ABCC3: variants seen among roughly 807,000 people sequenced by gnomAD.
The protein encoded by ABCC3 is ATP-binding cassette sub-family C member 3.
Under a neutral mutation model 165.3 loss-of-function variants are expected in ABCC3, and 121 were observed. The observed-to-expected ratio is 0.73, with a 90% CI of 0.63 to 0.85. The LOEUF (loss-of-function observed/expected upper bound fraction) is 0.85. Ranked by LOEUF, ABCC3 falls within the 40% of genes least tolerant of loss-of-function variation. The pLI is 0.00. For synonymous variants in ABCC3, 733 were observed against 810.1 expected (o/e 0.90, Z 1.62); for missense variants, 1,869 against 1,964.1 (o/e 0.95, Z 0.92).
rs1384035702 is a variant in ABCC3, at chr17:50,653,334, G to A, written c.46-2498G>A. Among the ~76,000 whole-genome samples the A allele has an allele frequency of 1.1e-4, 14 of 128,384 alleles. No individual in the cohort carries two copies. The South Asian group carries it at 1.9e-3, about 18-fold the overall frequency. 84.2% of individuals were successfully genotyped at this position (128,384 alleles called of 152,430 possible). ...ACACTCCAGCGTGGGGGCCAAGAGC[G>A]AGACTGTCTCAAAAAAAAAAAAAAA... On this transcript the variant is annotated intron_variant, in intron 1 of 30. Coordinates refer to ENST00000285238, the MANE Select transcript of ABCC3 (RefSeq NM_003786.4).
chr17:50,682,437 A>AG (rs1463645070), intron 26 of ABCC3, among the ~76,000 whole-genome samples: 4 of 151,802 alleles, frequency 2.6e-5, no homozygotes, highest in Non-Finnish European at 5.9e-5. Flanking sequence ...AAAAAAAAAA[A>AG]AGTCCTTAAA....
intron 1 of ABCC3, among the ~76,000 whole-genome samples, chr17:50,650,782 C>A (rs969269948): frequency 2.0e-5 from 3 of 151,868 alleles, no homozygotes; most frequent in Non-Finnish European, 2.9e-5. Flanking sequence ...ATTCTTAACC[C>A]CGGCCAGGTA....
intron 10 of ABCC3, chr17:50,664,781 C>T (rs915968665): frequency 1.5e-4 from 30 of 197,506 alleles, no homozygotes; most frequent in Non-Finnish European, 2.2e-4. Context: ...GATAGGACTT[C>T]GAGGATGCTG....
At chr17:50,691,064 C>T (rs773769949) in intron 30 of ABCC3, 28 bp from the exon 31 acceptor site, 3 of 1,580,792 alleles carry the variant, frequency 1.9e-6, no homozygotes, top group Non-Finnish European at 2.6e-6. Flanking sequence ...CTGATGGAAA[C>T]CTGACCACTT....
In ABCC3 at chr17:50,668,497, A is replaced by G; in HGVS notation, c.1850A>G (p.Glu617Gly). ...GAGGAACTTGACCCCCAGAGTGTGG[A>G]AAGAAAGACCATCTCCCCAGGTCTA... ...SQEELDPQSVERKTISPGYAI... is the reference protein window; with the variant it reads ...SQEELDPQSVGRKTISPGYAI... Residue 617 changes from glutamate (E) to glycine (G), a missense_variant, in exon 14 of 31, where the codon GAA (glutamate) becomes GGA (glycine). Glu to Gly is a moderately conservative substitution (Grantham distance 98). Coordinates refer to ENST00000285238, the MANE Select transcript of ABCC3 (RefSeq NM_003786.4). 1.2e-6 allele frequency: 2 copies of G among 1,613,912 alleles called. No homozygotes were observed. Among genetic ancestry groups the G allele is most frequent in the African/African-American group, 2.7e-5 (2 of 74,978 alleles).
Position 50,656,777 on chromosome 17 carries a change from G to T in ABCC3, c.298G>T (p.Ala100Ser), listed in dbSNP as rs762984202. 4.3e-6 allele frequency: 7 copies of T among 1,613,768 alleles called. No homozygotes were observed. Among genetic ancestry groups the T allele is most frequent in the Non-Finnish European group, 5.9e-6 (7 of 1,179,932 alleles). Residue 100 changes from alanine to serine, a missense_variant, in exon 3 of 31, where the codon GCC becomes TCC. Physicochemically the swap from Ala to Ser is moderately conservative, Grantham distance 99. Transcript: ENST00000285238. ...YSFHGLVHGR[A>S]PAPVFFVTPL... ...CTTCCATGGCCTGGTCCATGGCCGGGCCCCTGCCCCTGTTTTCTTTGTCAC... is the reference window on the plus strand; with the variant it reads ...CTTCCATGGCCTGGTCCATGGCCGGTCCCCTGCCCCTGTTTTCTTTGTCAC...
At chr17:50,681,704 G>A (rs1375170964) in intron 26 of ABCC3, among the ~76,000 whole-genome samples, 2 of 152,134 alleles carry the variant, frequency 1.3e-5, no homozygotes, top group Admixed American at 1.3e-4. Flanking sequence ...TCGCTCCACG[G>A]AGACAGCTCA....
rs888701313 is a variant in ABCC3, at chr17:50,681,493, G to A, written c.3807+1594G>A. Among the ~76,000 whole-genome samples the A allele has an allele frequency of 5.3e-5, 8 of 151,926 alleles. No homozygotes were observed. The East Asian group carries it at 5.8e-4, about 11-fold the overall frequency. ...GTCATTCTTGCTCCCTCTGTTGGACGCTTCCCATCCACATGCAAAAATATT... is the reference window on the plus strand; with the variant it reads ...GTCATTCTTGCTCCCTCTGTTGGACACTTCCCATCCACATGCAAAAATATT... On this transcript the variant is annotated intron_variant, in intron 26 of 30. Coordinates refer to ENST00000285238, the MANE Select transcript of ABCC3 (RefSeq NM_003786.4).
chr17:50,683,660 T>C lies in ABCC3; in HGVS notation c.3858T>C (p.Arg1286=). ...GSRPPEGWPP[R]GEVEFRNYSV... ...GCCCTCCCGAAGGTTGGCCCCCACG[T>C]GGGGAGGTGGAGTTCCGGAATTATT... is the stretch of plus-strand genomic sequence containing the variant. The change falls in exon 27 of 31, where the codon CGT becomes CGC. Residue 1286 remains arginine, a synonymous_variant. Coordinates refer to ENST00000285238, the MANE Select transcript of ABCC3 (RefSeq NM_003786.4). The C allele has an allele frequency of 2.5e-6, 4 of 1,601,582 alleles. No homozygotes were observed. The highest frequency in any genetic ancestry group is 3.4e-6 in the Non-Finnish European group (4 of 1,173,882).
At chr17:50,687,470 T>A in intron 29 of ABCC3, 66 bp from the exon 30 acceptor site, 1 of 1,522,946 alleles carries the variant, frequency 6.6e-7, no homozygotes, top group Non-Finnish European at 8.9e-7. Flanking sequence ...GAAACAGGTC[T>A]GGGAATGAGG....
At position 50,687,642 on chromosome 17, in the gene ABCC3, C is replaced by G. The variant is rs755887561; in HGVS notation, c.4387C>G (p.Leu1463Val). 1 of 1,614,274 alleles carries G rather than the reference C, an allele frequency of 6.2e-7. No homozygotes were observed. The highest frequency in any genetic ancestry group is 1.7e-5 in the Admixed American group (1 of 60,036). Residue 1463 changes from leucine to valine, a missense_variant, in exon 30 of 31, where the codon CTC becomes GTC. Physicochemically the swap from Leu to Val is conservative, Grantham distance 32. Transcript: ENST00000285238. Reference protein sequence around the residue: ...TAAIDLETDNLIQATIRTQFD... With the variant: ...TAAIDLETDNVIQATIRTQFD... Reference sequence around the variant, plus strand: ...TGCCATCGACCTGGAGACTGACAACCTCATCCAGGCTACCATCCGCACCCA... The same window carrying G: ...TGCCATCGACCTGGAGACTGACAACGTCATCCAGGCTACCATCCGCACCCA...
chr17:50,676,569 T>A lies in ABCC3; in HGVS notation c.3359T>A (p.Val1120Glu), dbSNP rs1967816937. 1.2e-6 allele frequency: 2 copies of A among 1,603,286 alleles called. No individual in the cohort carries two copies. The highest frequency in any genetic ancestry group is 2.7e-5 in the African/African-American group (2 of 74,450). ...ACTGTGGTCATCCTGCCCCTGGCTGTGCTCTACACCTTAGTGCAGGTGTGG... is the reference window on the plus strand; with the variant it reads ...ACTGTGGTCATCCTGCCCCTGGCTGAGCTCTACACCTTAGTGCAGGTGTGG... Reference protein sequence around the residue: ...LFTVVILPLAVLYTLVQRFYA... With the variant: ...LFTVVILPLAELYTLVQRFYA... Residue 1120 changes from valine (V) to glutamate (E), a missense_variant, in exon 23 of 31, where the codon GTG becomes GAG. Val to Glu is a moderately radical substitution (Grantham distance 121). Transcript: ENST00000285238.
chr17:50,637,945 G>A (rs1197291530), intron 1 of ABCC3, among the ~76,000 whole-genome samples: 1 of 152,198 alleles, frequency 6.6e-6, no homozygotes, highest in East Asian at 1.9e-4. Context: ...TAGGAGACTG[G>A]AGAGGACCAT....
At chr17:50,664,168 AG>A (rs1421376660) in intron 10 of ABCC3, 57 bp downstream of exon 10, 1 of 1,599,700 alleles carries the variant, frequency 6.3e-7, no homozygotes, top group African/African-American at 1.3e-5. Flanking sequence ...AGAAGTGGCA[AG>A]AGAGGATTAT....
rs11568582 is a variant in ABCC3, at chr17:50,678,156, C to T, written c.3642C>T (p.Ala1214=). 211 of 1,554,854 alleles carry T rather than the reference C, an allele frequency of 1.4e-4. 1 individual carries two copies. In the African/African-American group the frequency reaches 2.2e-3, roughly 17 times the overall value. The change falls in exon 25 of 31, where the codon GCC becomes GCT. Residue 1214 remains alanine (A), a synonymous_variant. Coordinates refer to ENST00000285238, the MANE Select transcript of ABCC3 (RefSeq NM_003786.4). ...NCVVLFAALF[A]VIGRSSLNPG... ...TGGTGCTCTTTGCTGCACTATTTGC[C>T]GTCATCGGGAGGAGCAGCCTGAACC...
chr17:50,684,261 G>A (rs375389908), intron 28 of ABCC3, among the ~76,000 whole-genome samples, 154 bp downstream of exon 28: 7 of 152,214 alleles, frequency 4.6e-5, no homozygotes, highest in African/African-American at 1.7e-4. Context: ...CCATCAGTGA[G>A]CCACCCGTCA....
intron 26 of ABCC3, among the ~76,000 whole-genome samples, chr17:50,682,337 A>T (rs1043902828): frequency 9.6e-6 from 1 of 104,378 alleles, no homozygotes; most frequent in African/African-American, 4.1e-5. Flanking sequence ...TGTAGCTGCC[A>T]AGAGATTTAA....
chr17:50,679,679 G>A, intron 25 of ABCC3, 119 bp from the exon 26 acceptor site: 1 of 922,082 alleles, frequency 1.1e-6, no homozygotes, highest in Non-Finnish European at 1.7e-6. Context: ...GCCCACCTGG[G>A]TCATCCATGG....
chr17:50,678,343 A>C, intron 25 of ABCC3, 124 bp downstream of exon 25: 1 of 1,031,106 alleles, frequency 9.7e-7, no homozygotes, highest in Non-Finnish European at 1.3e-6. Context: ...TCTGTTCTCA[A>C]GGACTGTGAG....
Sources: gnomAD v4.1 joint callset for allele counts (sites outside exome capture counted in the v4.1 genomes callset) on GRCh38, gnomAD v4.1.1 for gene constraint, MANE v1.5 for transcripts, NCBI Gene and HGNC (gene_info 2026-07-23, HGNC 2026-07-21) for gene names.